Variants in RBPMS observed in about 807,000 individuals in gnomAD.
The protein encoded by RBPMS is RNA-binding protein with multiple splicing.
RBPMS carries 7 observed loss-of-function variants against 26.8 expected under a neutral mutation model. The observed-to-expected ratio is 0.26, with a 90% confidence interval of 0.15 to 0.49. RBPMS has a LOEUF of 0.49. Ranked by LOEUF, RBPMS falls within the 20% of genes least tolerant of loss-of-function variation. RBPMS has a pLI of 0.98. For missense variants in RBPMS, 186 were observed against 250.0 expected (o/e 0.74, Z 1.73); for synonymous variants, 96 against 93.3 (o/e 1.03, Z -0.17).
chr8:30,520,389 T>C (rs946500187), intron 5 of RBPMS, among the ~76,000 whole-genome samples: 1 of 152,188 alleles, frequency 6.6e-6, no homozygotes, highest in East Asian at 1.9e-4. Context: ...CTTTTGAGTA[T>C]CATCGTGAAC....
intron 1 of RBPMS, among the ~76,000 whole-genome samples, chr8:30,442,119 G>A (rs1229126745): frequency 6.6e-6 from 1 of 152,036 alleles, no homozygotes; most frequent in Non-Finnish European, 1.5e-5. Context: ...TTTTTGTATA[G>A]TCTTGCTATG....
chr8:30,489,881 G>T (rs1052492752), intron 4 of RBPMS, among the ~76,000 whole-genome samples: 3 of 151,838 alleles, frequency 2.0e-5, no homozygotes, highest in Non-Finnish European at 2.9e-5. Flanking sequence ...CGCGATGTTG[G>T]CTCACTGCAA....
At chr8:30,456,306 A>G (rs1815209507) in intron 1 of RBPMS, among the ~76,000 whole-genome samples, 1 of 152,200 alleles carries the variant, frequency 6.6e-6, no homozygotes, top group Admixed American at 6.5e-5. Context: ...TGCTTGTGCT[A>G]GCCTTAAAAG....
At position 30,572,191 on chromosome 8, in the gene RBPMS, T is replaced by C. The variant is rs557359162; in HGVS notation, c.*1666T>C. ...CCACTTCTGCAGTCTATTATGCTTT[T>C]ATAACTGTTTAAAGGTACTTTTCTA... On this transcript the variant is annotated 3_prime_UTR_variant, in exon 9 of 9. Coordinates refer to ENST00000397323, the MANE Select transcript of RBPMS (RefSeq NM_001008710.3). 310 of 152,342 alleles carry C rather than the reference T, an allele frequency of 2.0e-3. 2 individuals carry two copies. The highest frequency in any genetic ancestry group is 7.2e-3 in the African/African-American group (298 of 41,578). The allele number at this position is 152,342 out of a possible 1,614,324, so 9.4% of individuals were successfully genotyped here.
rs56184994 is a variant in RBPMS, at chr8:30,513,587, C to CAAAAAA, written c.397+9174_397+9179dup. On this transcript the variant is annotated intron_variant, in intron 5 of 8. Transcript: ENST00000397323. The stretch of plus-strand genomic sequence containing the variant: ...TGGGCGACACAGCGAGACTCCATCT[C>CAAAAAA]AAAAAAAAAAAAAAAAAAAAAAAAA... Among the ~76,000 whole-genome samples the CAAAAAA allele has an allele frequency of 6.9e-4, 75 of 108,486 alleles. 3 individuals carry two copies. The highest frequency in any genetic ancestry group is 2.5e-3 in the African/African-American group (72 of 28,850). The allele number at this position is 108,486 out of a possible 152,430, so 71.2% of individuals were successfully genotyped here.
intron 6 of RBPMS, chr8:30,556,685 GCT>G (rs1026853281): frequency 8.3e-5 from 82 of 985,924 alleles, no homozygotes; most frequent in Non-Finnish European, 9.6e-5. Context: ...TGCCATGGGG[GCT>G]CTGTGTCCCC....
intron 6 of RBPMS, among the ~76,000 whole-genome samples, chr8:30,549,805 CCTCT>C (rs71206263): frequency 0.12 from 12,906 of 109,890 alleles, 1,197 homozygotes; most frequent in Middle Eastern, 0.17. Flanking sequence ...TCCCCTCTCT[CCTCT>C]CTCTCTCTCT....
At chr8:30,417,477 C>T (rs1810231310) in intron 1 of RBPMS, among the ~76,000 whole-genome samples, 1 of 152,160 alleles carries the variant, frequency 6.6e-6, no homozygotes, top group Admixed American at 6.6e-5. Flanking sequence ...GTCATCATGT[C>T]ATCTCATTTT....
intron 1 of RBPMS, among the ~76,000 whole-genome samples, chr8:30,427,263 G>C (rs149536043): frequency 1.3e-5 from 2 of 152,308 alleles, no homozygotes; most frequent in African/African-American, 4.8e-5. Context: ...GATCACTTCA[G>C]GAGGTAACTA....
In RBPMS at chr8:30,504,373, G is replaced by A; in HGVS notation, c.334G>A (p.Gly112Arg). The A allele has an allele frequency of 6.2e-7, 1 of 1,614,160 alleles. No homozygotes were observed. Among genetic ancestry groups the A allele is most frequent in the Non-Finnish European group, 8.5e-7 (1 of 1,179,966 alleles). Reference sequence around the variant, plus strand: ...GAAGATGGCCAAGAACAAACTCGTAGGGACTCCAAACCCCAGTACTCCTCT... The same window carrying A: ...GAAGATGGCCAAGAACAAACTCGTAAGGACTCCAAACCCCAGTACTCCTCT... The part of the protein sequence containing the change: ...NTKMAKNKLV[G>R]TPNPSTPLPN... The change falls in exon 5 of 9, where the codon GGG (glycine) becomes AGG (arginine). Residue 112 changes from glycine (G) to arginine (R), a missense_variant. Physicochemically the swap from Gly to Arg is moderately radical, Grantham distance 125 (BLOSUM62 -2). Transcript: ENST00000397323.
intron 7 of RBPMS, 106 bp downstream of exon 7, chr8:30,559,062 T>TAA (rs1028283925): frequency 1.1e-6 from 1 of 870,486 alleles, no homozygotes; most frequent in African/African-American, 1.6e-5. Flanking sequence ...ACCCACACCT[T>TAA]ATGCACCTCC....
In RBPMS at chr8:30,556,023, C is replaced by T; in HGVS notation, c.529-2864C>T. 4.1e-6 allele frequency: 4 copies of T among 985,444 alleles called. No individual in the cohort carries two copies. The South Asian group carries it at 1.9e-4, about 46-fold the overall frequency. The allele number at this position is 985,444 out of a possible 1,614,324, so 61.0% of individuals were successfully genotyped here. ...CAGACTTGGCCAGGGGGGCACTGCC[C>T]TCTGCTGGAAGCTGGGCGCAGCGGA... On this transcript the variant is annotated intron_variant, in intron 6 of 8. Coordinates refer to ENST00000397323, the MANE Select transcript of RBPMS (RefSeq NM_001008710.3).
intron 6 of RBPMS, chr8:30,552,202 T>C (rs1585859696): frequency 1.3e-5 from 2 of 152,130 alleles, no homozygotes; most frequent in Admixed American, 6.5e-5. Flanking sequence ...CAGCTGGGTG[T>C]GTACCCAAGG....
chr8:30,501,278 C>G (rs1820529986), intron 4 of RBPMS, among the ~76,000 whole-genome samples: 1 of 140,714 alleles, frequency 7.1e-6, no homozygotes, highest in Non-Finnish European at 1.6e-5. Context: ...CCCCTCCCAC[C>G]CCAACACCCT....
chr8:30,473,226 C>A (rs902958139), intron 1 of RBPMS, among the ~76,000 whole-genome samples: 2 of 152,146 alleles, frequency 1.3e-5, no homozygotes, highest in Non-Finnish European at 2.9e-5. Context: ...TTTTCTTCTT[C>A]TCCTACTTCA....
chr8:30,519,470 T>C (rs1277992235), intron 5 of RBPMS, among the ~76,000 whole-genome samples: 154 of 1,564 alleles, frequency 0.098, 14 homozygotes, highest in East Asian at 0.47. Context: ...TTTTTTTTTT[T>C]TTTTTTTTTT....
At chr8:30,440,429 G>A (rs955895449) in intron 1 of RBPMS, among the ~76,000 whole-genome samples, 3 of 152,186 alleles carry the variant, frequency 2.0e-5, no homozygotes, top group African/African-American at 7.2e-5. Context: ...GATACATCAT[G>A]TAAGTAGAAT....
intron 1 of RBPMS, among the ~76,000 whole-genome samples, chr8:30,441,485 A>G (rs753471653): frequency 2.0e-5 from 3 of 152,242 alleles, no homozygotes; most frequent in Non-Finnish European, 4.4e-5. Flanking sequence ...TCATGTCACA[A>G]GAGTTTACAA....
chr8:30,538,870 G>C (rs1165797027), intron 5 of RBPMS, among the ~76,000 whole-genome samples: 1 of 152,180 alleles, frequency 6.6e-6, no homozygotes, highest in African/African-American at 2.4e-5. Flanking sequence ...GGGGTTGCAG[G>C]TGGATTTTGA....
Sources: gnomAD v4.1 joint callset for allele counts (sites outside exome capture counted in the v4.1 genomes callset) on GRCh38, gnomAD v4.1.1 for gene constraint, MANE v1.5 for transcripts, NCBI Gene and HGNC (gene_info 2026-07-23, HGNC 2026-07-21) for gene names.